MGME1: variants seen among roughly 807,000 people sequenced by gnomAD.
The protein encoded by MGME1 is mitochondrial genome maintenance exonuclease 1.
Under a neutral mutation model 33.0 loss-of-function variants are expected in MGME1, and 22 were observed. The ratio of observed to expected loss-of-function variants is 0.67; its 90% CI spans 0.48 to 0.95. The LOEUF (loss-of-function observed/expected upper bound fraction) is 0.95, where lower values mean the gene tolerates loss of function less well. Among genes scored for constraint, MGME1 ranks in the 40% least tolerant of loss-of-function variants. The probability of loss-of-function intolerance (pLI) is 0.00; values close to 1 mark genes in which losing one functional copy is unlikely to be tolerated. For synonymous variants in MGME1, 133 were observed against 144.0 expected, an observed-to-expected ratio of 0.92 and a Z score of 0.55; for missense variants, 383 against 397.8, an observed-to-expected ratio of 0.96 and a Z score of 0.32.
At chr20:17,986,267 C>T (rs1203548525) in intron 3 of MGME1, among the ~76,000 whole-genome samples, 10 of 152,096 alleles carry the variant, frequency 6.6e-5, no homozygotes, top group Admixed American at 6.6e-4. Flanking sequence ...CGAGGTTTCA[C>T]CATGTTGGCC....
Position 17,969,949 on chromosome 20 carries a change from T to C in MGME1, c.90T>C (p.Thr30=), listed in dbSNP as rs752383520. 3.7e-6 allele frequency: 6 copies of C among 1,614,100 alleles called. No individual in the cohort carries two copies. The Admixed American group carries it at 1.0e-4, about 27-fold the overall frequency. Residue 30 remains threonine, a synonymous_variant, in exon 2 of 5, where the codon ACT becomes ACC. Transcript: ENST00000377710. ...VESAALVAFS[T]SSYSCGRKKK... is the part of the protein sequence containing the mutation. ...CAGCTGCCCTTGTGGCTTTCTCTAC[T>C]TCCTCTTACTCATGTGGCCGGAAGA...
intron 2 of MGME1, among the ~76,000 whole-genome samples, chr20:17,973,645 A>C (rs971123894): frequency 1.3e-5 from 2 of 151,618 alleles, no homozygotes. Flanking sequence ...TGTCTCAAAA[A>C]AAAAAAAACT....
In MGME1 at chr20:17,982,019, G is replaced by A. The variant is rs141669858; in HGVS notation, c.731+6116G>A. Among the ~76,000 whole-genome samples the A allele has an allele frequency of 4.2e-3, 636 of 152,142 alleles. 6 individuals are homozygous for A. The highest frequency in any genetic ancestry group is 0.015 in the African/African-American group (619 of 41,508). On this transcript the variant is annotated intron_variant, in intron 3 of 4. Coordinates refer to ENST00000377710, the MANE Select transcript of MGME1 (RefSeq NM_052865.4). ...ATGAGCCTTACCCATTTCCCTATTGGGAACACTCAGATTATTTCTAGTTTT... is the reference window on the plus strand; with the variant it reads ...ATGAGCCTTACCCATTTCCCTATTGAGAACACTCAGATTATTTCTAGTTTT...
intron 3 of MGME1, among the ~76,000 whole-genome samples, chr20:17,979,369 C>T (rs777838434): frequency 3.4e-4 from 52 of 151,652 alleles, no homozygotes; most frequent in Non-Finnish European, 6.5e-4. Flanking sequence ...TGTGAGGCAC[C>T]GCGCCCAGCT....
rs1600373084 is a variant in MGME1 at position 17,969,994 on chromosome 20, A to G, written c.135A>G (p.Glu45=). The change falls in exon 2 of 5, where the codon GAA becomes GAG. Residue 45 remains glutamate, a synonymous_variant. Coordinates refer to ENST00000377710, the MANE Select transcript of MGME1 (RefSeq NM_052865.4). ...CGRKKKVNPY[E]EVDQEKYSNL... Reference sequence around the variant, plus strand: ...GGAAGAAAAAAGTGAACCCATATGAAGAAGTGGACCAAGAAAAATACTCTA... The same window carrying G: ...GGAAGAAAAAAGTGAACCCATATGAGGAAGTGGACCAAGAAAAATACTCTA... 1.2e-6 allele frequency: 2 copies of G among 1,614,200 alleles called. No homozygotes were observed. The highest frequency in any genetic ancestry group is 1.7e-6 in the Non-Finnish European group (2 of 1,180,032).
upstream of MGME1, chr20:17,968,674 G>A (rs909417820): frequency 1.7e-6 from 1 of 584,784 alleles, no homozygotes; most frequent in African/African-American, 2.0e-5. Context: ...TCTTGGAGCC[G>A]GGCAAAGACG....
At chr20:17,979,720 A>T (rs1296835494) in intron 3 of MGME1, among the ~76,000 whole-genome samples, 1 of 148,040 alleles carries the variant, frequency 6.8e-6, no homozygotes, top group African/African-American at 2.5e-5. Context: ...CGGGCCTAAT[A>T]ATTTTTTATT....
At chr20:17,978,468 G>T (rs2035923796) in intron 3 of MGME1, among the ~76,000 whole-genome samples, 1 of 152,156 alleles carries the variant, frequency 6.6e-6, no homozygotes, top group Non-Finnish European at 1.5e-5. Context: ...GCCTCCCAAA[G>T]TGCTGAGATT....
chr20:17,982,434 G>C (rs1481156672), intron 3 of MGME1, among the ~76,000 whole-genome samples: 1 of 152,136 alleles, frequency 6.6e-6, no homozygotes, highest in African/African-American at 2.4e-5. Flanking sequence ...TGTTTTAGAC[G>C]TGTGATATAT....
In MGME1 at chr20:17,983,299, G is replaced by GTGTGTGTGTGTGTGTGTGTA. The variant is rs1251189552; in HGVS notation, c.732-4864_732-4863insGTGTGTGTGTGTGTGTATGT. Reference sequence around the variant, plus strand: ...TGTGTGTGTGTGTGTGTGTGTGTGTGTGTATCCACATTTTCTTTATCCATT... The same window carrying GTGTGTGTGTGTGTGTGTGTA: ...TGTGTGTGTGTGTGTGTGTGTGTGTGTGTGTGTGTGTGTGTGTGTATGTATCCACATTTTCTTTATCCATT... On this transcript the variant is annotated intron_variant, in intron 3 of 4. Transcript: ENST00000377710. 4.6e-5 allele frequency among the ~76,000 whole-genome samples: 7 copies of GTGTGTGTGTGTGTGTGTGTA among 151,670 alleles called. No homozygotes were observed. The South Asian group carries it at 1.0e-3, about 23-fold the overall frequency.
At position 17,970,084 on chromosome 20, in the gene MGME1, T is replaced by C. The variant is rs1223507494; in HGVS notation, c.225T>C (p.Asp75=). The change falls in exon 2 of 5, where the codon GAT becomes GAC. Residue 75 remains aspartate (D), a synonymous_variant. Coordinates refer to ENST00000377710, the MANE Select transcript of MGME1 (RefSeq NM_052865.4). ...AGACCCCGGGATCGGTGGAGGAAGA[T>C]GCTTTGCTCTGTGGACCCGTGAGCA... is the stretch of plus-strand genomic sequence containing the variant. The part of the protein sequence containing the change: ...VAQTPGSVEE[D]ALLCGPVSKH... 2 of 1,614,236 alleles carry C rather than the reference T, an allele frequency of 1.2e-6. No homozygotes were observed. The highest frequency in any genetic ancestry group is 1.7e-6 in the Non-Finnish European group (2 of 1,180,048).
intron 2 of MGME1, 93 bp from the exon 3 acceptor site, chr20:17,975,591 T>C (rs2035843772): frequency 3.4e-6 from 3 of 880,462 alleles, no homozygotes; most frequent in Non-Finnish European, 5.3e-6. Context: ...TCATTTTTAA[T>C]TGTATTGTTT....
intron 3 of MGME1, among the ~76,000 whole-genome samples, chr20:17,987,260 A>G (rs1284335610): frequency 2.6e-5 from 4 of 152,262 alleles, no homozygotes; most frequent in South Asian, 2.1e-4. Context: ...CAAACTTGGC[A>G]ATATTACAAA....
intron 3 of MGME1, among the ~76,000 whole-genome samples, chr20:17,979,211 G>C (rs1024243799): frequency 1.3e-5 from 2 of 151,194 alleles, no homozygotes; most frequent in Non-Finnish European, 2.9e-5. Flanking sequence ...TGAGTAGTTG[G>C]GACCACAGAT....
At chr20:17,969,629 T>G (rs2035657763) in intron 1 of MGME1, among the ~76,000 whole-genome samples, 172 bp from the exon 2 acceptor site, 2 of 152,212 alleles carry the variant, frequency 1.3e-5, no homozygotes, top group Admixed American at 1.3e-4. Context: ...GTGTCGGTCC[T>G]TCGGGTATTG....
intron 3 of MGME1, 152 bp downstream of exon 3, chr20:17,976,055 C>T: frequency 1.6e-6 from 1 of 629,330 alleles, no homozygotes; most frequent in South Asian, 2.0e-5. Context: ...AGAACAGGTA[C>T]AAGGAGAAGA....
At chr20:17,987,848 C>T (rs577741032) in intron 3 of MGME1, among the ~76,000 whole-genome samples, 77 of 151,802 alleles carry the variant, frequency 5.1e-4, no homozygotes, top group African/African-American at 1.3e-3. Context: ...AGTATAAACC[C>T]GACCAGGATA....
In MGME1 at chr20:17,969,856, C is replaced by A. The variant is rs1475570774; in HGVS notation, c.-4C>A. The A allele has an allele frequency of 6.3e-7, 1 of 1,598,668 alleles. No homozygotes were observed. The highest frequency in any genetic ancestry group is 8.5e-7 in the Non-Finnish European group (1 of 1,174,264). ...CAAATAGACTAAAGTGAAAACAAAT[C>A]TGAATGAAGATGAAGTTATTTCAGA... On this transcript the variant is annotated 5_prime_UTR_variant, in exon 2 of 5. It adds an upstream start codon to the 5' untranslated region. Transcript: ENST00000377710.
At position 17,988,363 on chromosome 20, in the gene MGME1, C is replaced by T. The variant is rs963704651; in HGVS notation, c.864+65C>T. 30 of 1,549,738 alleles carry T rather than the reference C, an allele frequency of 1.9e-5. No individual in the cohort carries two copies. In the African/African-American group the frequency reaches 2.7e-4, roughly 14 times the overall value. ...CTTACTTAAAACTATAACTCCGGGC[C>T]GGGCGCAGTGGCTCATGCCTGTAAT... On this transcript the variant is annotated intron_variant, in intron 4 of 4. Transcript: ENST00000377710.
Sources: gnomAD v4.1 joint callset for allele counts (sites outside exome capture counted in the v4.1 genomes callset) on GRCh38, gnomAD v4.1.1 for gene constraint, MANE v1.5 for transcripts, NCBI Gene and HGNC (gene_info 2026-07-23, HGNC 2026-07-21) for gene names.